Variants in HVCN1 observed in about 807,000 individuals in gnomAD.
The protein encoded by HVCN1 is hydrogen voltage gated channel 1.
HVCN1 carries 14 observed loss-of-function variants against 29.2 expected under a neutral mutation model. The observed-to-expected ratio is 0.48, with a 90% CI of 0.32 to 0.75. The LOEUF is 0.75. Ranked by LOEUF, HVCN1 falls within the 30% of genes least tolerant of loss-of-function variation. HVCN1 has a pLI of 0.04. For missense variants in HVCN1, 263 were observed against 341.8 expected (o/e 0.77, Z 1.82); for synonymous variants, 131 against 133.2 (o/e 0.98, Z 0.11).
In HVCN1 at chr12:110,661,250, C is replaced by T. The variant is rs528631783; in HGVS notation, c.220G>A (p.Val74Ile). Residue 74 changes from valine to isoleucine, a missense_variant, in exon 4 of 8, where the codon GTT becomes ATT. Val to Ile is a conservative substitution (Grantham distance 29). This residue lies in a region of HVCN1 where 157 missense variants were observed against 181.3 expected (regional missense o/e 0.87). Transcript: ENST00000242607. This position sits in a 1 kb window ranked among gnomAD's most constrained non-coding sequence, Gnocchi z 6.2. ...GEEGRAAAPDVAPAPGPAPRA... is the reference protein window; with the variant it reads ...GEEGRAAAPDIAPAPGPAPRA... ...GGTGCGGGGCCAGGGGCAGGGGCAACGTCAGGGGCTGCAGCTCTGCCTTCC... is the reference window on the plus strand; with the variant it reads ...GGTGCGGGGCCAGGGGCAGGGGCAATGTCAGGGGCTGCAGCTCTGCCTTCC... 4.0e-5 allele frequency: 65 copies of T among 1,614,098 alleles called. No individual in the cohort carries two copies. The highest frequency in any genetic ancestry group is 4.6e-5 in the Non-Finnish European group (54 of 1,179,976).
intron 2 of HVCN1, among the ~76,000 whole-genome samples, chr12:110,699,724 G>A (rs902695262): frequency 5.9e-5 from 9 of 152,210 alleles, no homozygotes; most frequent in African/African-American, 1.4e-4. Flanking sequence ...TGTGCCAGGC[G>A]CTGCGCCGGG....
Position 110,650,238 on chromosome 12 carries a change from A to C in HVCN1, c.686T>G (p.Leu229Ter). 1 of 1,613,416 alleles carries C rather than the reference A, an allele frequency of 6.2e-7. No homozygotes were observed. Among genetic ancestry groups the C allele is most frequent in the Non-Finnish European group, 8.5e-7 (1 of 1,179,430 alleles). The change falls in exon 7 of 8, where the codon TTA (leucine) becomes TGA (stop). Residue 229 changes from leucine (L) to a stop codon, truncating the protein, a stop_gained. Coordinates refer to ENST00000242607, the MANE Select transcript of HVCN1 (RefSeq NM_032369.4). LOFTEE classifies it high-confidence loss of function. ...TTGTACATTCATCTGTTTTAACCTT[A>C]AGAGTTGCCGTTCTGAACGTGTCTT... The part of the protein sequence containing the change: ...SVKTRSERQL[L>*]RLKQMNVQLA...
rs1262102019 is a variant in HVCN1 at position 110,664,854 on chromosome 12, G to GA, written c.22-3407dup. On this transcript the variant is annotated intron_variant, in intron 3 of 7. Coordinates refer to ENST00000242607, the MANE Select transcript of HVCN1 (RefSeq NM_032369.4). ...AGGCAGGGAAAAATATAACTTTCAG[G>GA]AAAAAAACTCCTTGGGGTGCTGTGA... Among the ~76,000 whole-genome samples, 2 of 152,118 alleles carry GA rather than the reference G, an allele frequency of 1.3e-5. 1 individual carries two copies. The highest frequency in any genetic ancestry group is 4.1e-4 in the South Asian group (2 of 4,820).
chr12:110,686,143 T>G (rs1260929152), intron 2 of HVCN1, among the ~76,000 whole-genome samples: 2 of 151,846 alleles, frequency 1.3e-5, no homozygotes, highest in Non-Finnish European at 2.9e-5. Context: ...GGATTATAAG[T>G]GCCCACCACC....
At chr12:110,664,754 ATG>A in intron 3 of HVCN1, among the ~76,000 whole-genome samples, 1 of 152,322 alleles carries the variant, frequency 6.6e-6, no homozygotes, top group Non-Finnish European at 1.5e-5. Context: ...TAGGAAAGGT[ATG>A]CAGAGGAGGA....
At chr12:110,653,462 TA>T (rs553886927) in intron 5 of HVCN1, among the ~76,000 whole-genome samples, 11 of 141,590 alleles carry the variant, frequency 7.8e-5, no homozygotes, top group South Asian at 6.6e-4. Context: ...CTGTCTCAAG[TA>T]AAAAAAAAAA....
chr12:110,693,018 A>G (rs2069435866), upstream of HVCN1, among the ~76,000 whole-genome samples: 1 of 152,074 alleles, frequency 6.6e-6, no homozygotes, highest in Middle Eastern at 3.4e-3. Flanking sequence ...GGCACATGCT[A>G]CTGTACCCAG....
At chr12:110,682,922 C>G in intron 3 of HVCN1, 1 of 324,114 alleles carries the variant, frequency 3.1e-6, no homozygotes, top group Non-Finnish European at 5.8e-6. Flanking sequence ...TGAGATTGCA[C>G]CATTGCACTC....
chr12:110,658,318 T>C lies in HVCN1; in HGVS notation c.306+2846A>G, dbSNP rs567194986. 1.3e-4 allele frequency among the ~76,000 whole-genome samples: 20 copies of C among 152,240 alleles called. No homozygotes were observed. The East Asian group carries it at 3.5e-3, about 26-fold the overall frequency. On this transcript the variant is annotated intron_variant, in intron 4 of 7. Coordinates refer to ENST00000242607, the MANE Select transcript of HVCN1 (RefSeq NM_032369.4). This position sits in a 1 kb window ranked among gnomAD's most constrained non-coding sequence, Gnocchi z 5.0. The stretch of plus-strand genomic sequence containing the variant: ...TCCTACCTGCAGAGACTACAACCCC[T>C]GAGCCTCACCACCTACTCCAGTGTG...
rs1245989953 is a variant in HVCN1 at position 110,658,247 on chromosome 12, C to T, written c.307-2909G>A. On this transcript the variant is annotated intron_variant, in intron 4 of 7. Coordinates refer to ENST00000242607, the MANE Select transcript of HVCN1 (RefSeq NM_032369.4). This position sits in a 1 kb window ranked among gnomAD's most constrained non-coding sequence, Gnocchi z 5.0. ...TTAATATATCAAGCACCTTGGCCAT[C>T]TCAAACCACCCAAGAAAGGGATCCC... Among the ~76,000 whole-genome samples the T allele has an allele frequency of 6.6e-6, 1 of 152,104 alleles. No homozygotes were observed. Among genetic ancestry groups the T allele is most frequent in the Non-Finnish European group, 1.5e-5 (1 of 68,020 alleles).
chr12:110,676,549 A>G lies in HVCN1; in HGVS notation c.21+6676T>C, dbSNP rs2068757016. Among the ~76,000 whole-genome samples the G allele has an allele frequency of 6.6e-6, 1 of 152,104 alleles. No individual in the cohort carries two copies. Among genetic ancestry groups the G allele is most frequent in the African/African-American group, 2.4e-5 (1 of 41,400 alleles). On this transcript the variant is annotated intron_variant, in intron 3 of 7. Coordinates refer to ENST00000242607, the MANE Select transcript of HVCN1 (RefSeq NM_032369.4). This position sits in a 1 kb window ranked among gnomAD's most constrained non-coding sequence, Gnocchi z 4.1. ...CCTACTTTCATTTGGAGAGTATGGA[A>G]TTTTTCTAAGTGCCAGGCAGAGGGT... is the stretch of plus-strand genomic sequence containing the variant.
intron 3 of HVCN1, among the ~76,000 whole-genome samples, chr12:110,666,778 A>G (rs1373317767): frequency 6.6e-6 from 1 of 152,172 alleles, no homozygotes; most frequent in Non-Finnish European, 1.5e-5. Context: ...TCAGTTCCTC[A>G]AAGAGGCCCT....
intron 3 of HVCN1, among the ~76,000 whole-genome samples, chr12:110,681,990 TTC>T: frequency 6.6e-6 from 1 of 152,154 alleles, no homozygotes; most frequent in South Asian, 2.1e-4. Context: ...AAATCCCAAT[TTC>T]TGTTTTTTTT....
chr12:110,691,076 T>G (rs2069396331), upstream of HVCN1, among the ~76,000 whole-genome samples: 1 of 151,238 alleles, frequency 6.6e-6, no homozygotes, highest in Non-Finnish European at 1.5e-5. Flanking sequence ...TTCTTTTTTC[T>G]TTTTGAGGTG....
At position 110,683,248 on chromosome 12, in the gene HVCN1, C is replaced by A. The variant is rs560149198; in HGVS notation, c.-3G>T. ...ACCTTTTCGTCCCAGGTGGCCATGT[C>A]CCTGTTGCCTCTGGATCTGAAAAAT... On this transcript the variant is annotated 5_prime_UTR_variant, in exon 3 of 8. Coordinates refer to ENST00000242607, the MANE Select transcript of HVCN1 (RefSeq NM_032369.4). 7.5e-6 allele frequency: 12 copies of A among 1,608,654 alleles called. No individual in the cohort carries two copies. The African/African-American group carries it at 1.6e-4, about 22-fold the overall frequency.
chr12:110,669,721 G>T (rs1378411492), intron 3 of HVCN1, among the ~76,000 whole-genome samples: 1 of 152,082 alleles, frequency 6.6e-6, no homozygotes, highest in Non-Finnish European at 1.5e-5. Context: ...TGAACGCTGG[G>T]AGGGCAGAGA....
intron 1 of HVCN1, among the ~76,000 whole-genome samples, chr12:110,702,779 C>T (rs1049594402): frequency 6.6e-6 from 1 of 152,120 alleles, no homozygotes; most frequent in African/African-American, 2.4e-5. Context: ...CTCAGCCTCC[C>T]GAGTAGCTGG....
intron 3 of HVCN1, among the ~76,000 whole-genome samples, chr12:110,663,587 C>CAAAAAAAAAAA (rs1182792368): frequency 6.6e-4 from 17 of 25,776 alleles, no homozygotes; most frequent in Middle Eastern, 0.024. Flanking sequence ...GACGCTGTCT[C>CAAAAAAAAAAA]AAAAAAAAAA....
chr12:110,671,076 C>T (rs1269189317), intron 3 of HVCN1, among the ~76,000 whole-genome samples: 1 of 152,082 alleles, frequency 6.6e-6, no homozygotes, highest in Non-Finnish European at 1.5e-5. Context: ...CCTGTAATCC[C>T]AGCACTTTGA....
Sources: gnomAD v4.1 joint callset for allele counts (sites outside exome capture counted in the v4.1 genomes callset) on GRCh38, gnomAD v4.1.1 for gene constraint, gnomAD v4.1.1 regional missense constraint, Gnocchi (gnomAD v3.1) non-coding constraint, MANE v1.5 for transcripts, NCBI Gene and HGNC (gene_info 2026-07-23, HGNC 2026-07-21) for gene names.